JAZF1: variants seen among roughly 807,000 people sequenced by gnomAD.
The protein encoded by JAZF1 is JAZF zinc finger 1.
A neutral mutation model predicts 26.4 loss-of-function variants in JAZF1; 8 were observed. The observed-to-expected ratio is 0.30, with a 90% CI of 0.18 to 0.55. The LOEUF (loss-of-function observed/expected upper bound fraction) is 0.55, where lower values mean the gene tolerates loss of function less well. Ranked by LOEUF, JAZF1 falls within the 20% of genes least tolerant of loss-of-function variation. The pLI is 0.94. For synonymous variants in JAZF1, 126 were observed against 122.3 expected (o/e 1.03, Z -0.20); for missense variants, 199 against 322.0 (o/e 0.62, Z 2.92).
chr7:27,926,758 C>A (rs755613103), intron 2 of JAZF1, among the ~76,000 whole-genome samples: 1 of 152,224 alleles, frequency 6.6e-6, no homozygotes, highest in Non-Finnish European at 1.5e-5. Context: ...TTCTTTTGAA[C>A]GAGGAGTTCA....
At chr7:27,851,844 G>A in intron 3 of JAZF1, among the ~76,000 whole-genome samples, 1 of 152,122 alleles carries the variant, frequency 6.6e-6, no homozygotes, top group African/African-American at 2.4e-5. Context: ...ACAAGAATCT[G>A]GTGAGACCTA....
intron 1 of JAZF1, among the ~76,000 whole-genome samples, chr7:28,044,553 AC>A (rs1282339574): frequency 6.6e-6 from 1 of 152,160 alleles, no homozygotes; most frequent in Non-Finnish European, 1.5e-5. Context: ...GAGTCTGCCC[AC>A]CTTCTTTGAA....
chr7:28,070,811 G>C (rs1204010570), intron 1 of JAZF1, among the ~76,000 whole-genome samples: 1 of 152,148 alleles, frequency 6.6e-6, no homozygotes, highest in East Asian at 1.9e-4. Flanking sequence ...AAGTACTCGG[G>C]CTTATTTCTT....
intron 3 of JAZF1, among the ~76,000 whole-genome samples, chr7:27,852,135 T>G (rs1432699733): frequency 6.6e-6 from 1 of 151,682 alleles, no homozygotes; most frequent in Non-Finnish European, 1.5e-5. Context: ...CAGGACTTTT[T>G]TTTTTTTTTT....
intron 2 of JAZF1, among the ~76,000 whole-genome samples, chr7:27,917,176 T>C (rs970817431): frequency 1.3e-5 from 2 of 152,226 alleles, no homozygotes; most frequent in African/African-American, 4.8e-5. Context: ...TTTCAAGTGC[T>C]TGTCAAACAT....
intron 4 of JAZF1, among the ~76,000 whole-genome samples, chr7:27,838,450 A>G (rs1031046201): frequency 2.0e-5 from 3 of 152,110 alleles, no homozygotes; most frequent in Non-Finnish European, 4.4e-5. Flanking sequence ...TGAAATGGTG[A>G]GGACTGTAGA....
Position 28,096,068 on chromosome 7 carries a change from G to T in JAZF1, c.115+84395C>A, listed in dbSNP as rs1036645976. On this transcript the variant is annotated intron_variant, in intron 1 of 4. Coordinates refer to ENST00000283928, the MANE Select transcript of JAZF1 (RefSeq NM_175061.4). ...GTTAGGGCTTCAACATATGAAATTT[G>T]GGGGGGGCACAAACATTCCATAGCA... Among the ~76,000 whole-genome samples the T allele has an allele frequency of 4.9e-4, 74 of 151,718 alleles. 1 individual carries two copies. Among genetic ancestry groups the T allele is most frequent in the Non-Finnish European group, 5.4e-4 (37 of 67,920 alleles).
intron 3 of JAZF1, among the ~76,000 whole-genome samples, chr7:27,890,554 G>A (rs1783954487): frequency 6.6e-6 from 1 of 152,140 alleles, no homozygotes; most frequent in Non-Finnish European, 1.5e-5. Context: ...TAGAAAGTGT[G>A]GGTATACTGG....
At chr7:28,135,297 G>T (rs1471947733) in intron 1 of JAZF1, among the ~76,000 whole-genome samples, 1 of 152,192 alleles carries the variant, frequency 6.6e-6, no homozygotes, top group African/African-American at 2.4e-5. Flanking sequence ...TAACAAGCAG[G>T]CTGTGTTGCT....
At chr7:28,040,463 GA>G (rs747858997) in intron 1 of JAZF1, among the ~76,000 whole-genome samples, 2 of 152,240 alleles carry the variant, frequency 1.3e-5, no homozygotes, top group Non-Finnish European at 2.9e-5. Context: ...AGGCCTCTGT[GA>G]AGAGGAAGAA....
chr7:27,940,304 G>T (rs1784823212), intron 2 of JAZF1, among the ~76,000 whole-genome samples: 1 of 145,568 alleles, frequency 6.9e-6, no homozygotes, highest in Admixed American at 6.9e-5. Context: ...GTGGTGGGGG[G>T]TGCTCTCCCC....
At chr7:27,935,569 TGTGTAC>T (rs781782061) in intron 2 of JAZF1, among the ~76,000 whole-genome samples, 24 of 152,346 alleles carry the variant, frequency 1.6e-4, no homozygotes, top group Non-Finnish European at 3.2e-4. Flanking sequence ...TGACAACTAA[TGTGTAC>T]GTGGTTTGAG....
At chr7:27,883,703 T>C (rs1783809456) in intron 3 of JAZF1, among the ~76,000 whole-genome samples, 1 of 152,198 alleles carries the variant, frequency 6.6e-6, no homozygotes, top group Admixed American at 6.5e-5. Flanking sequence ...CAAAACACTT[T>C]GGGTATTGGA....
intron 2 of JAZF1, among the ~76,000 whole-genome samples, chr7:27,917,019 C>G (rs1784452743): frequency 6.6e-6 from 1 of 152,184 alleles, no homozygotes; most frequent in Non-Finnish European, 1.5e-5. Context: ...TGGGAGGATT[C>G]CTTGAGCCCG....
At chr7:27,992,026 G>T in intron 1 of JAZF1, 45 bp from the exon 2 acceptor site, 2 of 1,107,018 alleles carry the variant, frequency 1.8e-6, no homozygotes, top group South Asian at 1.2e-5. Context: ...TTTTGCATCA[G>T]AATATATGAG....
chr7:28,038,644 A>T (rs1645666488), intron 1 of JAZF1, among the ~76,000 whole-genome samples: 2 of 152,320 alleles, frequency 1.3e-5, no homozygotes, highest in Admixed American at 1.3e-4. Context: ...AAAATTCCAA[A>T]AAAAGAAGCA....
At chr7:28,011,970 T>C (rs1782807159) in intron 1 of JAZF1, among the ~76,000 whole-genome samples, 1 of 152,218 alleles carries the variant, frequency 6.6e-6, no homozygotes, top group Admixed American at 6.5e-5. Context: ...AAAACTTCCA[T>C]GTTTTCATTT....
intron 1 of JAZF1, among the ~76,000 whole-genome samples, chr7:28,050,140 A>G (rs1583530953): frequency 6.6e-6 from 1 of 152,204 alleles, no homozygotes; most frequent in Non-Finnish European, 1.5e-5. Flanking sequence ...GCTCTGTGTC[A>G]GGAACTGGGG....
intron 1 of JAZF1, among the ~76,000 whole-genome samples, chr7:28,088,152 T>A (rs1427915142): frequency 6.6e-6 from 1 of 152,150 alleles, no homozygotes; most frequent in Non-Finnish European, 1.5e-5. Context: ...TCACTCAGGG[T>A]TAACACCACG....
Sources: allele counts gnomAD v4.1 joint callset (sites outside exome capture counted in the v4.1 genomes callset), GRCh38; gene constraint gnomAD v4.1.1; transcripts MANE v1.5; gene names NCBI Gene and HGNC (gene_info 2026-07-23, HGNC 2026-07-21).